TENM2: variants seen among roughly 807,000 people sequenced by gnomAD.
TENM2 encodes teneurin transmembrane protein 2, also known as teneurin-2.
A neutral mutation model predicts 245.2 loss-of-function variants in TENM2; 52 were observed. The ratio of observed to expected loss-of-function variants is 0.21; its 90% CI spans 0.17 to 0.27. The LOEUF (loss-of-function observed/expected upper bound fraction) is 0.27. Among genes scored for constraint, TENM2 ranks in the 10% least tolerant of loss-of-function variants. The pLI is 1.00. For synonymous variants in TENM2, 1,363 were observed against 1,438.9 expected, an observed-to-expected ratio of 0.95 and a Z score of 1.19; for missense variants, 3,046 against 3,666.8, an observed-to-expected ratio of 0.83 and a Z score of 4.37.
At chr5:168,238,217 G>GAAA (rs1340183386) in intron 25 of TENM2, among the ~76,000 whole-genome samples, 4 of 40,756 alleles carry the variant, frequency 9.8e-5, no homozygotes, top group South Asian at 1.1e-3. Context: ...GAGGGAGGGA[G>GAAA]AGAGAAGAAA....
chr5:167,587,066 G>C (rs945806518), intron 2 of TENM2, among the ~76,000 whole-genome samples: 7 of 152,088 alleles, frequency 4.6e-5, no homozygotes, highest in African/African-American at 1.7e-4. Flanking sequence ...TAGAGAGTGT[G>C]GGATTTTAGT....
At chr5:167,865,319 T>A (rs1305167956) in intron 2 of TENM2, among the ~76,000 whole-genome samples, 1 of 152,076 alleles carries the variant, frequency 6.6e-6, no homozygotes, top group Non-Finnish European at 1.5e-5. Flanking sequence ...TGCTCTGCAG[T>A]CCAGGCCAGA....
At chr5:168,067,210 G>T (rs946345233) in intron 7 of TENM2, among the ~76,000 whole-genome samples, 1 of 152,290 alleles carries the variant, frequency 6.6e-6, no homozygotes, top group East Asian at 1.9e-4. Flanking sequence ...TGGGCTTACA[G>T]CTCCAGCAAG....
In TENM2 at chr5:167,547,913, A is replaced by G. The variant is rs77836373; in HGVS notation, c.502+172440A>G. On this transcript the variant is annotated intron_variant, in intron 2 of 28. Transcript: ENST00000518659. The stretch of plus-strand genomic sequence containing the variant: ...GAACACATTGGCATCTATTAAGATC[A>G]TTTACACCAAATCAGAAACATAAAT... 3.8e-3 allele frequency among the ~76,000 whole-genome samples: 585 copies of G among 152,358 alleles called. 7 individuals are homozygous for G. The highest frequency in any genetic ancestry group is 0.014 in the African/African-American group (564 of 41,580).
Position 167,748,665 on chromosome 5 carries a change from G to C in TENM2, c.503-127321G>C, listed in dbSNP as rs1761751220. Reference sequence around the variant, plus strand: ...ATTGACTCATAGTTCCACATGGCTGGGAGGTCTCAGGAAACTTACAATCAT... The same window carrying C: ...ATTGACTCATAGTTCCACATGGCTGCGAGGTCTCAGGAAACTTACAATCAT... On this transcript the variant is annotated intron_variant, in intron 2 of 28. Coordinates refer to ENST00000518659, the Ensembl canonical transcript of TENM2. 2.0e-5 allele frequency among the ~76,000 whole-genome samples: 3 copies of C among 150,546 alleles called. No individual in the cohort carries two copies. The South Asian group carries it at 6.3e-4, about 31-fold the overall frequency.
At chr5:167,883,923 A>G (rs1774079699) in intron 3 of TENM2, among the ~76,000 whole-genome samples, 1 of 152,228 alleles carries the variant, frequency 6.6e-6, no homozygotes, top group African/African-American at 2.4e-5. Context: ...AACAGAAATT[A>G]TAGCCCCAGC....
Position 168,102,053 on chromosome 5 carries a change from T to TTG in TENM2, c.1813+3941_1813+3942dup, listed in dbSNP as rs5873087. Among the ~76,000 whole-genome samples the TTG allele has an allele frequency of 4.4e-3, 659 of 151,102 alleles. 5 individuals carry two copies. Among genetic ancestry groups the TTG allele is most frequent in the African/African-American group, 0.015 (624 of 41,176 alleles). On this transcript the variant is annotated intron_variant, in intron 9 of 28. Coordinates refer to ENST00000518659, the Ensembl canonical transcript of TENM2. ...TTATAGTTCCATAGTTTTTTTGTTT[T>TTG]TGTGTGTGTGTGTGTGCGTTTTGTT...
At chr5:168,154,293 G>T (rs188171229) in intron 12 of TENM2, among the ~76,000 whole-genome samples, 1 of 152,064 alleles carries the variant, frequency 6.6e-6, no homozygotes, top group East Asian at 1.9e-4. Flanking sequence ...GCTCACTGCT[G>T]CAACCTCCAC....
In TENM2 at chr5:167,903,423, C is replaced by T. The variant is rs1440898860; in HGVS notation, c.712+27228C>T. 5.3e-5 allele frequency among the ~76,000 whole-genome samples: 8 copies of T among 152,012 alleles called. No individual in the cohort carries two copies. In the East Asian group the frequency reaches 1.2e-3, roughly 22 times the overall value. ...GCTGAGCTAGACAATCACATGAAGC[C>T]GCCTACTCAGGTAGAATGGAGGAAA... On this transcript the variant is annotated intron_variant, in intron 3 of 28. Coordinates refer to ENST00000518659, the Ensembl canonical transcript of TENM2.
chr5:167,319,091 A>G (rs947957056), intron 1 of TENM2, among the ~76,000 whole-genome samples: 3 of 152,196 alleles, frequency 2.0e-5, no homozygotes, highest in Non-Finnish European at 4.4e-5. Context: ...TAAAATGATG[A>G]CTTCATTTCA....
At chr5:167,368,990 C>A (rs1323367458) in intron 1 of TENM2, among the ~76,000 whole-genome samples, 1 of 152,094 alleles carries the variant, frequency 6.6e-6, no homozygotes, top group East Asian at 1.9e-4. Flanking sequence ...TCTCCACGGA[C>A]AACACTTGGT....
At chr5:167,234,386 G>C in the TENM2 span, among the ~76,000 whole-genome samples, 1 of 152,164 alleles carries the variant, frequency 6.6e-6, no homozygotes. Context: ...TTGAGGCTGA[G>C]AGGTTTTTGA....
intron 2 of TENM2, among the ~76,000 whole-genome samples, chr5:167,579,985 C>T (rs565953976): frequency 8.5e-5 from 13 of 152,274 alleles, no homozygotes; most frequent in South Asian, 6.2e-4. Context: ...TTTAAGCCAT[C>T]GGAGGCCAAA....
intron 2 of TENM2, among the ~76,000 whole-genome samples, chr5:167,679,339 T>C (rs78388937): frequency 0.014 from 2,182 of 152,288 alleles, 49 homozygotes; most frequent in African/African-American, 0.05. Flanking sequence ...ATAAAGTAGG[T>C]AATTCATTAG....
At chr5:167,702,136 T>C (rs1490761624) in intron 2 of TENM2, among the ~76,000 whole-genome samples, 1 of 152,182 alleles carries the variant, frequency 6.6e-6, no homozygotes, top group Non-Finnish European at 1.5e-5. Flanking sequence ...GAGGAAACAC[T>C]CTGAAACGCC....
chr5:167,117,509 AAAT>A, the TENM2 span, among the ~76,000 whole-genome samples: 1 of 152,166 alleles, frequency 6.6e-6, no homozygotes, highest in Admixed American at 6.5e-5. Flanking sequence ...TCTCAAAAAA[AAAT>A]AATAATAAAT....
At chr5:167,334,796 A>T (rs1471949527) in intron 1 of TENM2, among the ~76,000 whole-genome samples, 1 of 152,158 alleles carries the variant, frequency 6.6e-6, no homozygotes, top group African/African-American at 2.4e-5. Flanking sequence ...TGAAGCTCTG[A>T]TTTGCAAGCA....
Position 168,093,397 on chromosome 5 carries a change from G to A in TENM2, c.1711+2628G>A, listed in dbSNP as rs1014697910. Among the ~76,000 whole-genome samples the A allele has an allele frequency of 2.6e-5, 4 of 152,208 alleles. No individual in the cohort carries two copies. The East Asian group carries it at 5.8e-4, about 22-fold the overall frequency. ...CAGACATCTTGATGGAGCAATGATA[G>A]TAATTGGCCTGAAATGCAGGGAAAA... On this transcript the variant is annotated intron_variant, in intron 8 of 28. Transcript: ENST00000518659.
chr5:167,832,010 C>T (rs1230637976), intron 2 of TENM2, among the ~76,000 whole-genome samples: 2 of 151,954 alleles, frequency 1.3e-5, no homozygotes, highest in Admixed American at 1.3e-4. Flanking sequence ...TTTAGCATCC[C>T]TGAGATGATA....
Sources: gnomAD v4.1 joint callset for allele counts (sites outside exome capture counted in the v4.1 genomes callset) on GRCh38, gnomAD v4.1.1 for gene constraint, MANE v1.5 for transcripts, NCBI Gene and HGNC (gene_info 2026-07-23, HGNC 2026-07-21) for gene names.